Variants in ROR1 observed in about 807,000 individuals in gnomAD.
ROR1 encodes the protein ROR family WNT receptor 1.
Under a neutral mutation model 78.8 loss-of-function variants are expected in ROR1, and 19 were observed. That is an observed-to-expected ratio of 0.24 (90% CI 0.17 to 0.35). The LOEUF is 0.35. Among genes scored for constraint, ROR1 ranks in the 10% least tolerant of loss-of-function variants. The pLI is 1.00. For missense variants in ROR1, 917 were observed against 1,177.8 expected, an observed-to-expected ratio of 0.78 and a Z score of 3.24; for synonymous variants, 386 against 433.6, an observed-to-expected ratio of 0.89 and a Z score of 1.36.
intron 1 of ROR1, among the ~76,000 whole-genome samples, chr1:63,896,172 T>G (rs1305985614): frequency 1.3e-5 from 2 of 152,202 alleles, no homozygotes; most frequent in South Asian, 2.1e-4. Context: ...ATTTATTCAA[T>G]GACTTCTATC....
At chr1:63,940,474 TAGATAGACAGATAGATAGAC>T (rs1192428769) in intron 1 of ROR1, among the ~76,000 whole-genome samples, 1 of 146,600 alleles carries the variant, frequency 6.8e-6, no homozygotes, top group African/African-American at 2.5e-5. Context: ...CGTAGATAGA[TAGATAGACAGATAGATAGAC>T]AGACAGATAG....
At chr1:64,058,589 C>G (rs533216059) in intron 4 of ROR1, among the ~76,000 whole-genome samples, 2 of 65,510 alleles carry the variant, frequency 3.1e-5, no homozygotes, top group East Asian at 1.2e-3. Context: ...TTTAGATGAT[C>G]GTGGTGGGTT....
chr1:63,915,766 G>A (rs143666892), intron 1 of ROR1, among the ~76,000 whole-genome samples: 1 of 152,062 alleles, frequency 6.6e-6, no homozygotes, highest in East Asian at 1.9e-4. Context: ...AGGGGGTGGG[G>A]TGGGGTGGAT....
At chr1:63,851,073 G>T (rs666620) in intron 1 of ROR1, among the ~76,000 whole-genome samples, 32,133 of 152,126 alleles carry the variant, frequency 0.21, 7,174 homozygotes, top group African/African-American at 0.57. Context: ...TCCGTCTCCC[G>T]AGTTCAATCA....
chr1:64,095,238 A>G (rs1647268248), intron 4 of ROR1: 1 of 152,214 alleles, frequency 6.6e-6, no homozygotes, highest in Non-Finnish European at 1.5e-5. Flanking sequence ...AACGTTCAAA[A>G]TAAATAAGCC....
At chr1:63,872,393 T>C (rs993326225) in intron 1 of ROR1, among the ~76,000 whole-genome samples, 9 of 152,064 alleles carry the variant, frequency 5.9e-5, no homozygotes, top group Non-Finnish European at 1.0e-4. Context: ...TCCCAGTTGG[T>C]GGCCAGGTAA....
intron 7 of ROR1, among the ~76,000 whole-genome samples, chr1:64,146,258 T>C (rs138296166): frequency 0.012 from 1,823 of 152,232 alleles, 32 homozygotes; most frequent in African/African-American, 0.04. Flanking sequence ...GGCAGATCAC[T>C]TGAGGTCAGG....
At chr1:63,934,868 T>A (rs986828044) in intron 1 of ROR1, among the ~76,000 whole-genome samples, 9 of 152,156 alleles carry the variant, frequency 5.9e-5, no homozygotes, top group Non-Finnish European at 2.9e-5. Flanking sequence ...ATTTAGATGA[T>A]GTGAAGGGGA....
chr1:64,175,001 A>C (rs1180350610), intron 8 of ROR1, among the ~76,000 whole-genome samples: 1 of 149,598 alleles, frequency 6.7e-6, no homozygotes, highest in Admixed American at 6.6e-5. Flanking sequence ...AGATTCGCCT[A>C]TTGTTTTTTT....
chr1:63,805,802 G>A (rs1376899032), intron 1 of ROR1, among the ~76,000 whole-genome samples: 1 of 152,158 alleles, frequency 6.6e-6, no homozygotes, highest in Admixed American at 6.5e-5. Context: ...GATCTTTTAA[G>A]GACAGGAGTT....
intron 4 of ROR1, among the ~76,000 whole-genome samples, chr1:64,115,828 C>T (rs1196427161): frequency 6.6e-6 from 1 of 152,076 alleles, no homozygotes; most frequent in African/African-American, 2.4e-5. Context: ...ACCTCAGTTT[C>T]CTCATCTATT....
At chr1:63,907,708 A>T (rs1008760846) in intron 1 of ROR1, among the ~76,000 whole-genome samples, 1 of 152,202 alleles carries the variant, frequency 6.6e-6, no homozygotes, top group African/African-American at 2.4e-5. Flanking sequence ...TTCAGATTAA[A>T]TTCTTACCAG....
chr1:63,812,303 C>T (rs1334096396), intron 1 of ROR1, among the ~76,000 whole-genome samples: 1 of 152,190 alleles, frequency 6.6e-6, no homozygotes, highest in Admixed American at 6.5e-5. Flanking sequence ...TGTTGGAACA[C>T]ATTCACCCAC....
chr1:64,063,065 A>AT (rs1267849735), intron 4 of ROR1, among the ~76,000 whole-genome samples: 1 of 152,218 alleles, frequency 6.6e-6, no homozygotes, highest in Admixed American at 6.5e-5. Flanking sequence ...CCCCAAAGAT[A>AT]TGGTTAGACC....
At chr1:63,791,053 T>C (rs961393798) in intron 1 of ROR1, among the ~76,000 whole-genome samples, 6 of 152,052 alleles carry the variant, frequency 3.9e-5, no homozygotes, top group African/African-American at 4.8e-5. Flanking sequence ...GAGGCAGTAG[T>C]GGGGAGGAGA....
At chr1:63,991,029 C>T (rs1214510437) in intron 1 of ROR1, among the ~76,000 whole-genome samples, 2 of 152,182 alleles carry the variant, frequency 1.3e-5, no homozygotes, top group Non-Finnish European at 2.9e-5. Context: ...AGTGATCCTC[C>T]TGCCTCAGGC....
intron 2 of ROR1, among the ~76,000 whole-genome samples, chr1:64,044,832 G>A (rs920975586): frequency 1.4e-4 from 21 of 152,274 alleles, no homozygotes; most frequent in East Asian, 7.7e-4. Context: ...AGAATTTTGC[G>A]AAACTTTTAG....
At chr1:63,921,948 A>G (rs1235023418) in intron 1 of ROR1, among the ~76,000 whole-genome samples, 1 of 152,212 alleles carries the variant, frequency 6.6e-6, no homozygotes, top group Non-Finnish European at 1.5e-5. Context: ...AGCAGTAGGC[A>G]GGAAAGAGGG....
chr1:63,775,724 C>G (rs980844120), intron 1 of ROR1, among the ~76,000 whole-genome samples: 2 of 152,204 alleles, frequency 1.3e-5, no homozygotes, highest in African/African-American at 4.8e-5. Flanking sequence ...AAAACACACT[C>G]TGGAAGGAAG....
Sources: gnomAD v4.1 joint callset for allele counts (sites outside exome capture counted in the v4.1 genomes callset) on GRCh38, gnomAD v4.1.1 for gene constraint, MANE v1.5 for transcripts, NCBI Gene and HGNC (gene_info 2026-07-23, HGNC 2026-07-21) for gene names.